The following ASDURF variants were observed in gnomAD, a reference collection of about 807,000 sequenced individuals.
The protein encoded by ASDURF is ASDURF protein.
Under a neutral mutation model 3.3 loss-of-function variants are expected in ASDURF, and 3 were observed. That is an observed-to-expected ratio of 0.92 (90% CI 0.42 to 2.37). The LOEUF (loss-of-function observed/expected upper bound fraction) is 2.37. Ranked by LOEUF, ASDURF falls within the 30% of genes most tolerant of loss-of-function variation. The pLI is 0.05. For missense variants in ASDURF, 23 were observed against 25.4 expected (o/e 0.90, Z 0.21); for synonymous variants, 11 against 8.3 (o/e 1.32, Z -0.55).
Position 189,665,469 on chromosome 2 carries a change from T to G in ASDURF, c.220+18T>G, listed in dbSNP as rs1353442649. On this transcript the variant is annotated intron_variant, in intron 3 of 3. Coordinates refer to ENST00000607829, the MANE Select transcript of ASDURF (RefSeq NM_001353493.2). ...GAGCAAGAGTAAGTTTTTTCTTTTT[T>G]GGGGTTTTTGGGGGGTGCCTAAATT... The G allele has an allele frequency of 2.5e-6, 1 of 396,696 alleles. No individual in the cohort carries two copies. The highest frequency in any genetic ancestry group is 2.1e-5 in the African/African-American group (1 of 48,262). The allele number at this position is 396,696 out of a possible 1,614,324, so 24.6% of individuals were successfully genotyped here. A position where few individuals can be genotyped will look rare whatever the true frequency, so the allele number is the denominator to read the frequency against.
chr2:189,661,750 AC>A, intron 1 of ASDURF, 140 bp downstream of exon 1: 2 of 397,618 alleles, frequency 5.0e-6, no homozygotes, highest in Non-Finnish European at 8.9e-6. Context: ...TATTCATAGC[AC>A]TTGACAGCCA....
Position 189,665,356 on chromosome 2 carries a change from G to C in ASDURF, c.145-20G>C, listed in dbSNP as rs748753805. 1 of 395,248 alleles carries C rather than the reference G, an allele frequency of 2.5e-6. No individual in the cohort carries two copies. Among genetic ancestry groups the C allele is most frequent in the East Asian group, 3.6e-5 (1 of 27,806 alleles). The allele number at this position is 395,248 out of a possible 1,614,324, so 24.5% of individuals were successfully genotyped here. A position where few individuals can be genotyped will look rare whatever the true frequency, so the allele number is the denominator to read the frequency against. On this transcript the variant is annotated intron_variant, in intron 2 of 3. Transcript: ENST00000607829. ...CTTTTTAGATCAAAATTTGATATTA[G>C]CCTAAATTATGTTTTCCAGAAAGTA...
At position 189,666,183 on chromosome 2, in the gene ASDURF, A is replaced by C; in HGVS notation, c.*72A>C. ...ACTTTTCTGCTGAGCATTTCAGTCA[A>C]GATTTAAAAGAGGACTTACTATATA... is the stretch of plus-strand genomic sequence containing the variant. On this transcript the variant is annotated 3_prime_UTR_variant, in exon 4 of 4. Transcript: ENST00000607829. 1 of 1,604,120 alleles carries C rather than the reference A, an allele frequency of 6.2e-7. No individual in the cohort carries two copies. Among genetic ancestry groups the C allele is most frequent in the South Asian group, 1.1e-5 (1 of 88,608 alleles).
chr2:189,662,782 C>T (rs1170560997), intron 1 of ASDURF, among the ~76,000 whole-genome samples: 2 of 151,842 alleles, frequency 1.3e-5, no homozygotes, highest in Non-Finnish European at 2.9e-5. Flanking sequence ...TGAGCCCTCC[C>T]CTACAAATAA....
At position 189,665,596 on chromosome 2, in the gene ASDURF, GTGTATATATATATATATATATA is replaced by G. The variant is rs1206942875; in HGVS notation, c.220+147_220+168del. On this transcript the variant is annotated intron_variant, in intron 3 of 3. Transcript: ENST00000607829. ...GATGAGTCAACAGTTATATATATAT[GTGTATATATATATATATATATA>G]TATATATATATATATATATATATAT... The G allele has an allele frequency of 8.0e-3, 897 of 111,606 alleles. 58 individuals are homozygous for G. The highest frequency in any genetic ancestry group is 0.027 in the African/African-American group (680 of 25,230). 6.9% of individuals were successfully genotyped at this position (111,606 alleles called of 1,614,324 possible).
chr2:189,665,946 A>G (rs2032791583), intron 3 of ASDURF, 95 bp from the exon 4 acceptor site: 1 of 540,528 alleles, frequency 1.9e-6, no homozygotes, highest in African/African-American at 1.9e-5. Flanking sequence ...ATATGGTTTG[A>G]TTTTGGTAAA....
intron 2 of ASDURF, 68 bp downstream of exon 2, chr2:189,664,022 A>T (rs1451267995): frequency 2.7e-6 from 1 of 365,422 alleles, no homozygotes; most frequent in African/African-American, 2.1e-5. Context: ...TATTAAAGTT[A>T]TAAGAAGTAT....
At chr2:189,661,960 A>T (rs1025519813) in intron 1 of ASDURF, among the ~76,000 whole-genome samples, 1 of 152,060 alleles carries the variant, frequency 6.6e-6, no homozygotes, top group Non-Finnish European at 1.5e-5. Context: ...CATGCCAGCA[A>T]CCCGGGGTCC....
Position 189,665,622 on chromosome 2 carries a change from A to ATATATG in ASDURF, c.220+176_220+177insGTATAT, listed in dbSNP as rs1559034478. ...TGTATATATATATATATATATATAT[A>ATATATG]TATATATATATATATATATATATAT... On this transcript the variant is annotated intron_variant, in intron 3 of 3. Coordinates refer to ENST00000607829, the MANE Select transcript of ASDURF (RefSeq NM_001353493.2). Among the ~76,000 whole-genome samples, 9 of 119,974 alleles carry ATATATG rather than the reference A, an allele frequency of 7.5e-5. 1 individual carries two copies. The highest frequency in any genetic ancestry group is 3.0e-4 in the African/African-American group (9 of 30,054). 78.7% of individuals were successfully genotyped at this position (119,974 alleles called of 152,430 possible). A position where few individuals can be genotyped will look rare whatever the true frequency, so the allele number is the denominator to read the frequency against.
Position 189,661,519 on chromosome 2 carries a change from A to G in ASDURF, c.-2A>G, listed in dbSNP as rs1049572400. 13 of 399,086 alleles carry G rather than the reference A, an allele frequency of 3.3e-5. No homozygotes were observed. Among genetic ancestry groups the G allele is most frequent in the Non-Finnish European group, 4.9e-5 (11 of 226,222 alleles). 24.7% of individuals were successfully genotyped at this position (399,086 alleles called of 1,614,324 possible). ...ATCCCGCGTGTCTTGCGCTCGGTGG[A>G]AATGCCCAGCCGAGGGACGCGACCA... On this transcript the variant is annotated 5_prime_UTR_variant, in exon 1 of 4. Transcript: ENST00000607829.
rs1487662125 is a variant in ASDURF, at chr2:189,666,354, A to G, written c.*243A>G. ...AAGATGAAAGAGGCAATGTGTTTCT[A>G]TGGAATGGAGAAATTTTTAGTGGAA... On this transcript the variant is annotated 3_prime_UTR_variant, in exon 4 of 4. Transcript: ENST00000607829. 8.7e-6 allele frequency: 14 copies of G among 1,613,754 alleles called. No homozygotes were observed. Among genetic ancestry groups the G allele is most frequent in the African/African-American group, 4.0e-5 (3 of 74,912 alleles).
intron 1 of ASDURF, 55 bp from the exon 2 acceptor site, chr2:189,663,846 C>A: frequency 2.7e-6 from 1 of 374,888 alleles, no homozygotes; most frequent in South Asian, 1.3e-4. Context: ...AAGGGATTTT[C>A]ATTGAGCATA....
intron 3 of ASDURF, 67 bp downstream of exon 3, chr2:189,665,518 T>C (rs1481423844): frequency 5.2e-6 from 2 of 381,544 alleles, no homozygotes; most frequent in East Asian, 7.4e-5. Flanking sequence ...TGTTAAAATA[T>C]ATATCTAAAG....
At chr2:189,663,352 C>T (rs1255267300) in intron 1 of ASDURF, among the ~76,000 whole-genome samples, 2 of 152,086 alleles carry the variant, frequency 1.3e-5, no homozygotes, top group East Asian at 1.9e-4. Context: ...CTCCCGGGTT[C>T]AAGCAGTTCT....
In ASDURF at chr2:189,665,626, A is replaced by G. The variant is rs186622070; in HGVS notation, c.220+175A>G. ...TATATATATATATATATATATATAT[A>G]TATATATATATATATATATATTATA... On this transcript the variant is annotated intron_variant, in intron 3 of 3. Transcript: ENST00000607829. 1.2e-3 allele frequency among the ~76,000 whole-genome samples: 153 copies of G among 122,458 alleles called. 5 individuals are homozygous for G. Among genetic ancestry groups the G allele is most frequent in the African/African-American group, 4.1e-3 (125 of 30,600 alleles). 80.3% of individuals were successfully genotyped at this position (122,458 alleles called of 152,430 possible). A position where few individuals can be genotyped will look rare whatever the true frequency, so the allele number is the denominator to read the frequency against.
At chr2:189,663,056 T>TC (rs1255345431) in intron 1 of ASDURF, among the ~76,000 whole-genome samples, 1 of 151,772 alleles carries the variant, frequency 6.6e-6, no homozygotes, top group Non-Finnish European at 1.5e-5. Context: ...GGTCTTACTG[T>TC]CCCCAAATAG....
chr2:189,662,948 CA>C (rs67898532), intron 1 of ASDURF, among the ~76,000 whole-genome samples: 40,327 of 77,534 alleles, frequency 0.52, 7,920 homozygotes, highest in South Asian at 0.66. Context: ...GACCCTGTTT[CA>C]AAAAAAAAAA....
At chr2:189,665,947 T>G in intron 3 of ASDURF, 94 bp from the exon 4 acceptor site, 1 of 543,058 alleles carries the variant, frequency 1.8e-6, no homozygotes, top group East Asian at 3.0e-5. Flanking sequence ...TATGGTTTGA[T>G]TTTGGTAAAC....
intron 1 of ASDURF, among the ~76,000 whole-genome samples, chr2:189,663,016 G>C (rs1250351861): frequency 6.8e-6 from 1 of 146,702 alleles, no homozygotes; most frequent in African/African-American, 2.5e-5. Context: ...GAGATAAAAA[G>C]AGGGAAAAAT....
Sources: gnomAD v4.1 joint callset for allele counts (sites outside exome capture counted in the v4.1 genomes callset) on GRCh38, gnomAD v4.1.1 for gene constraint, MANE v1.5 for transcripts, NCBI Gene and HGNC (gene_info 2026-07-23, HGNC 2026-07-21) for gene names.